The following SNTG1 variants were observed in gnomAD, a reference collection of about 807,000 sequenced individuals.
SNTG1 encodes gamma-1-syntrophin.
A neutral mutation model predicts 74.7 loss-of-function variants in SNTG1; 39 were observed. The ratio of observed to expected loss-of-function variants is 0.52; its 90% CI spans 0.40 to 0.68. The LOEUF is 0.68. Among genes scored for constraint, SNTG1 ranks in the 30% least tolerant of loss-of-function variants. The probability of loss-of-function intolerance (pLI) is 0.00; values close to 1 mark genes in which losing one functional copy is unlikely to be tolerated. For synonymous variants in SNTG1, 254 were observed against 217.1 expected (o/e 1.17, Z -1.49); for missense variants, 685 against 609.5 (o/e 1.12, Z -1.30).
intron 2 of SNTG1, among the ~76,000 whole-genome samples, chr8:50,173,552 G>A (rs2131665282): frequency 6.6e-6 from 1 of 152,268 alleles, no homozygotes; most frequent in East Asian, 1.9e-4. Context: ...TGTATCATGT[G>A]TTATAAAAAC....
intron 15 of SNTG1, among the ~76,000 whole-genome samples, chr8:50,660,787 CATT>C (rs201433987): frequency 0.017 from 2,618 of 152,166 alleles, 33 homozygotes; most frequent in Middle Eastern, 0.041. Context: ...AAATAATAAA[CATT>C]ATGTTTAGCT....
chr8:50,008,753 G>T (rs1049349310), intron 1 of SNTG1, among the ~76,000 whole-genome samples: 4 of 152,108 alleles, frequency 2.6e-5, no homozygotes, highest in Admixed American at 1.3e-4. Context: ...CACCTGTTTT[G>T]TCATATTGCT....
chr8:50,328,522 G>A (rs900306500), intron 2 of SNTG1, among the ~76,000 whole-genome samples: 1 of 152,178 alleles, frequency 6.6e-6, no homozygotes, highest in African/African-American at 2.4e-5. Flanking sequence ...TCACAAGGCA[G>A]CAGGACAGAG....
At chr8:50,426,970 A>C (rs953919377) in intron 4 of SNTG1, among the ~76,000 whole-genome samples, 18 of 152,192 alleles carry the variant, frequency 1.2e-4, no homozygotes, top group Admixed American at 1.3e-4. Context: ...GATGAGTTAA[A>C]GTATACCTGG....
intron 13 of SNTG1, among the ~76,000 whole-genome samples, chr8:50,653,335 G>A (rs1385147691): frequency 6.6e-6 from 1 of 151,986 alleles, no homozygotes; most frequent in African/African-American, 2.4e-5. Context: ...AGGAGGCTGG[G>A]GCAAGAGGAT....
At chr8:50,562,617 C>G (rs886196381) in intron 12 of SNTG1, among the ~76,000 whole-genome samples, 1 of 152,134 alleles carries the variant, frequency 6.6e-6, no homozygotes, top group African/African-American at 2.4e-5. Context: ...GTGGGTTTTT[C>G]TTAAACCACC....
chr8:50,180,193 T>C (rs181254552), intron 2 of SNTG1, among the ~76,000 whole-genome samples: 11 of 152,314 alleles, frequency 7.2e-5, no homozygotes, highest in Middle Eastern at 6.8e-3. Flanking sequence ...AGACAGATAC[T>C]GTATTATTTC....
intron 1 of SNTG1, among the ~76,000 whole-genome samples, chr8:49,961,781 G>T (rs551486607): frequency 6.6e-6 from 1 of 152,100 alleles, no homozygotes; most frequent in East Asian, 1.9e-4. Context: ...CATTTACCTC[G>T]TAAATTTGGA....
chr8:50,491,701 ATTTAT>A (rs1313633889), intron 8 of SNTG1, among the ~76,000 whole-genome samples: 1 of 31,664 alleles, frequency 3.2e-5, no homozygotes, highest in African/African-American at 4.2e-5. Context: ...GAACTTATTT[ATTTAT>A]TTATTTATTT....
intron 18 of SNTG1, among the ~76,000 whole-genome samples, chr8:50,778,077 C>T (rs1014394329): frequency 6.6e-6 from 1 of 152,112 alleles, no homozygotes; most frequent in African/African-American, 2.4e-5. Flanking sequence ...GTATATGTGC[C>T]ACATTTTCTT....
At chr8:49,942,896 T>A (rs1480416725) in intron 1 of SNTG1, among the ~76,000 whole-genome samples, 7 of 152,180 alleles carry the variant, frequency 4.6e-5, no homozygotes, top group Non-Finnish European at 7.4e-5. Flanking sequence ...TCCACCCACC[T>A]CCATACTGTG....
intron 2 of SNTG1, among the ~76,000 whole-genome samples, chr8:50,332,434 C>T (rs1330036170): frequency 1.3e-5 from 2 of 151,126 alleles, no homozygotes; most frequent in Non-Finnish European, 2.9e-5. Context: ...AAAATTATTA[C>T]TTAAGCCTTG....
chr8:50,603,604 G>C (rs1017817139), intron 13 of SNTG1, among the ~76,000 whole-genome samples: 4 of 151,920 alleles, frequency 2.6e-5, no homozygotes, highest in Admixed American at 6.6e-5. Context: ...TTGAAAATTT[G>C]GATATTTATT....
chr8:50,683,765 C>G (rs1290468841), intron 15 of SNTG1, among the ~76,000 whole-genome samples: 1 of 152,102 alleles, frequency 6.6e-6, no homozygotes, highest in Non-Finnish European at 1.5e-5. Context: ...AGTGGAGGGA[C>G]ACTAAGATAA....
rs756822331 is a variant in SNTG1, at chr8:50,704,536, G to A, written c.1039-64G>A. Reference sequence around the variant, plus strand: ...GGCTTCTGCACCTTGGTCCAGTCAGGAATGGCCAGGTTAGCAATGTGAAGT... The same window carrying A: ...GGCTTCTGCACCTTGGTCCAGTCAGAAATGGCCAGGTTAGCAATGTGAAGT... On this transcript the variant is annotated intron_variant, in intron 15 of 18. Coordinates refer to ENST00000642720, the MANE Select transcript of SNTG1 (RefSeq NM_018967.5). 1.9e-6 allele frequency: 3 copies of A among 1,607,806 alleles called. No homozygotes were observed. The South Asian group carries it at 3.3e-5, about 18-fold the overall frequency.
intron 13 of SNTG1, among the ~76,000 whole-genome samples, chr8:50,639,395 G>C (rs2095058326): frequency 6.6e-6 from 1 of 151,754 alleles, no homozygotes; most frequent in African/African-American, 2.4e-5. Context: ...AAATATTTAT[G>C]GGTGTAAATT....
Position 50,301,994 on chromosome 8 carries a change from T to A in SNTG1, c.-27-92218T>A, listed in dbSNP as rs565361292. 2.6e-5 allele frequency among the ~76,000 whole-genome samples: 4 copies of A among 152,198 alleles called. No homozygotes were observed. The South Asian group carries it at 8.3e-4, about 32-fold the overall frequency. On this transcript the variant is annotated intron_variant, in intron 2 of 18. Transcript: ENST00000642720. ...GCCTCAGCCTCCTAAATAGCTGGGA[T>A]TACAAATGCCTGCCACCACGCCCAG...
At chr8:50,739,039 C>T (rs749896785) in intron 17 of SNTG1, among the ~76,000 whole-genome samples, 16 of 152,060 alleles carry the variant, frequency 1.1e-4, no homozygotes, top group Admixed American at 1.0e-3. Flanking sequence ...AAAGCAATGG[C>T]AACAAAAGCC....
At chr8:50,293,777 C>T (rs566333038) in intron 2 of SNTG1, among the ~76,000 whole-genome samples, 7 of 152,082 alleles carry the variant, frequency 4.6e-5, no homozygotes, top group Non-Finnish European at 8.8e-5. Context: ...ATCTGTAGTA[C>T]AGGGGTTAAG....
Sources: allele counts gnomAD v4.1 joint callset (sites outside exome capture counted in the v4.1 genomes callset), GRCh38; gene constraint gnomAD v4.1.1; transcripts MANE v1.5; gene names NCBI Gene and HGNC (gene_info 2026-07-23, HGNC 2026-07-21).